Variants in GUCY2C observed in about 807,000 individuals in gnomAD.
GUCY2C encodes the protein guanylyl cyclase C.
A neutral mutation model predicts 131.1 loss-of-function variants in GUCY2C; 118 were observed. The observed-to-expected ratio is 0.90, with a 90% CI of 0.78 to 1.05. GUCY2C has a LOEUF of 1.05. Ranked by LOEUF, GUCY2C falls within the 50% of genes least tolerant of loss-of-function variation. GUCY2C has a pLI of 0.00. For missense variants in GUCY2C, 1,161 were observed against 1,304.4 expected (o/e 0.89, Z 1.69); for synonymous variants, 452 against 457.8 (o/e 0.99, Z 0.16).
chr12:14,621,198 C>T lies in GUCY2C; in HGVS notation c.2620G>A (p.Ala874Thr). 1.2e-6 allele frequency: 2 copies of T among 1,613,134 alleles called. No homozygotes were observed. Among genetic ancestry groups the T allele is most frequent in the South Asian group, 2.2e-5 (2 of 91,032 alleles). Residue 874 changes from alanine to threonine, a missense_variant, in exon 23 of 27, where the codon GCG becomes ACG. Transcript: ENST00000261170. ...GGCAAACCACTAGCCACCATGTACG[C>T]ATCACCGATGGTTTCCACCTGTGGA... ...DVYKVETIGDAYMVASGLPKR... is the reference protein window; with the variant it reads ...DVYKVETIGDTYMVASGLPKR...
intron 19 of GUCY2C, among the ~76,000 whole-genome samples, chr12:14,629,680 G>C (rs1947100823): frequency 6.6e-6 from 1 of 152,178 alleles, no homozygotes; most frequent in Non-Finnish European, 1.5e-5. Flanking sequence ...AAGGCTCAGT[G>C]AATATGAGGC....
chr12:14,659,096 A>C (rs530567049), intron 11 of GUCY2C, among the ~76,000 whole-genome samples: 1 of 150,842 alleles, frequency 6.6e-6, no homozygotes, highest in South Asian at 2.1e-4. Flanking sequence ...CCCAGGCTGG[A>C]GTGCAGTGGT....
chr12:14,644,852 C>T (rs578187706), intron 16 of GUCY2C, among the ~76,000 whole-genome samples: 1 of 151,304 alleles, frequency 6.6e-6, no homozygotes, highest in East Asian at 1.9e-4. Flanking sequence ...AGCAATTCTC[C>T]TGCCTCAGCC....
At chr12:14,635,986 A>G (rs1330573696) in intron 19 of GUCY2C, among the ~76,000 whole-genome samples, 2 of 152,232 alleles carry the variant, frequency 1.3e-5, no homozygotes, top group African/African-American at 4.8e-5. Context: ...AACAAAGAAA[A>G]GTCCAGAACT....
At chr12:14,693,244 TTGGACCAACG>T (rs1168765923) in intron 1 of GUCY2C, among the ~76,000 whole-genome samples, 4 of 151,822 alleles carry the variant, frequency 2.6e-5, no homozygotes, top group Non-Finnish European at 5.9e-5. Flanking sequence ...AAGGATGGGG[TTGGACCAACG>T]TGGACCAACA....
intron 9 of GUCY2C, among the ~76,000 whole-genome samples, chr12:14,670,784 T>A (rs1207820033): frequency 2.0e-5 from 3 of 151,768 alleles, no homozygotes; most frequent in Non-Finnish European, 4.4e-5. Flanking sequence ...CTCCCCAGCC[T>A]CGCTGGGGAG....
chr12:14,648,734 GT>G (rs1400118037), intron 15 of GUCY2C, among the ~76,000 whole-genome samples: 15 of 152,132 alleles, frequency 9.9e-5, no homozygotes, highest in African/African-American at 2.4e-5. Flanking sequence ...TGTTATTTAT[GT>G]TGATACCTTC....
At chr12:14,678,323 C>CT (rs1336283746) in intron 6 of GUCY2C, among the ~76,000 whole-genome samples, 9 of 152,198 alleles carry the variant, frequency 5.9e-5, no homozygotes, top group African/African-American at 2.2e-4. Flanking sequence ...CACATTATGT[C>CT]TAATTTAGTC....
At position 14,619,068 on chromosome 12, in the gene GUCY2C, C is replaced by T. The variant is rs780426092; in HGVS notation, c.2875+143G>A. 27 of 553,210 alleles carry T rather than the reference C, an allele frequency of 4.9e-5. No individual in the cohort carries two copies. The East Asian group carries it at 5.5e-4, about 11-fold the overall frequency. 34.3% of individuals were successfully genotyped at this position (553,210 alleles called of 1,614,324 possible). A position where few individuals can be genotyped will look rare whatever the true frequency, so the allele number is the denominator to read the frequency against. On this transcript the variant is annotated intron_variant, in intron 24 of 26. Transcript: ENST00000261170. ...AAATGTAGCAAAAGGTGGATTGACA[C>T]GGGTTTGTGTTCAGCTAATGTGAAG...
At chr12:14,647,763 A>T (rs955314456) in intron 15 of GUCY2C, among the ~76,000 whole-genome samples, 1 of 152,062 alleles carries the variant, frequency 6.6e-6, no homozygotes, top group Non-Finnish European at 1.5e-5. Context: ...TGTTAAAAAT[A>T]TTAAGGAGGA....
intron 1 of GUCY2C, among the ~76,000 whole-genome samples, chr12:14,693,766 A>G (rs1455067042): frequency 2.0e-5 from 3 of 152,244 alleles, no homozygotes; most frequent in Admixed American, 6.5e-5. Flanking sequence ...CCTGCCCACT[A>G]ATAACTATTT....
chr12:14,624,823 G>T (rs1172745948), intron 21 of GUCY2C, among the ~76,000 whole-genome samples: 1 of 152,188 alleles, frequency 6.6e-6, no homozygotes, highest in Admixed American at 6.5e-5. Flanking sequence ...CTGAAATGGT[G>T]AGCCAGCTGA....
At chr12:14,653,597 C>T (rs1947708677) in intron 12 of GUCY2C, among the ~76,000 whole-genome samples, 1 of 152,202 alleles carries the variant, frequency 6.6e-6, no homozygotes, top group Admixed American at 6.5e-5. Context: ...AACACACGCA[C>T]ACACATAGGC....
intron 6 of GUCY2C, 43 bp from the exon 7 acceptor site, chr12:14,677,014 T>C (rs1195797299): frequency 4.8e-6 from 3 of 627,636 alleles, no homozygotes; most frequent in Admixed American, 2.5e-5. Flanking sequence ...TTAGGAAAAA[T>C]AGAGATGCAT....
chr12:14,639,829 G>T (rs754349774), intron 19 of GUCY2C, 33 bp downstream of exon 19: 3 of 1,259,846 alleles, frequency 2.4e-6, no homozygotes, highest in East Asian at 4.6e-5. Flanking sequence ...TTTATAGCAG[G>T]CCAAGGAAAT....
chr12:14,688,209 T>C, intron 1 of GUCY2C, 146 bp from the exon 2 acceptor site: 1 of 606,972 alleles, frequency 1.6e-6, no homozygotes, highest in East Asian at 2.8e-5. Flanking sequence ...TTACTCCTGG[T>C]CACTTTTTTC....
intron 19 of GUCY2C, among the ~76,000 whole-genome samples, chr12:14,634,939 C>T (rs906381371): frequency 5.3e-5 from 8 of 152,046 alleles, no homozygotes; most frequent in Admixed American, 1.3e-4. Context: ...ATATACACAC[C>T]CAACATTGAA....
At chr12:14,659,995 C>A (rs1947834922) in intron 11 of GUCY2C, among the ~76,000 whole-genome samples, 1 of 152,236 alleles carries the variant, frequency 6.6e-6, no homozygotes, top group Non-Finnish European at 1.5e-5. Context: ...TCACTCTTCA[C>A]TAAATGGTCA....
Position 14,696,596 on chromosome 12 carries a change from G to A in GUCY2C, c.-148C>T. 1 of 628,460 alleles carries A rather than the reference G, an allele frequency of 1.6e-6. No individual in the cohort carries two copies. Among genetic ancestry groups the A allele is most frequent in the Middle Eastern group, 4.3e-4 (1 of 2,344 alleles). The allele number at this position is 628,460 out of a possible 1,614,324, so 38.9% of individuals were successfully genotyped here. A position where few individuals can be genotyped will look rare whatever the true frequency, so the allele number is the denominator to read the frequency against. ...CGCTTCTCTCTGGTCATGCCCAACT[G>A]GTCACATGGGCCGTGGAACACAGCC... On this transcript the variant is annotated 5_prime_UTR_variant, in exon 1 of 27. Coordinates refer to ENST00000261170, the MANE Select transcript of GUCY2C (RefSeq NM_004963.4).
Sources: gnomAD v4.1 joint callset for allele counts (sites outside exome capture counted in the v4.1 genomes callset) on GRCh38, gnomAD v4.1.1 for gene constraint, MANE v1.5 for transcripts, NCBI Gene and HGNC (gene_info 2026-07-23, HGNC 2026-07-21) for gene names.